Variants in ELP4 observed in about 807,000 individuals in gnomAD.
ELP4 encodes elongator acetyltransferase complex subunit 4.
Under a neutral mutation model 48.9 loss-of-function variants are expected in ELP4, and 51 were observed. That is an observed-to-expected ratio of 1.04 (90% CI 0.83 to 1.32). The LOEUF (loss-of-function observed/expected upper bound fraction) is 1.32. Ranked by LOEUF, ELP4 falls within the 40% of genes most tolerant of loss-of-function variation. The pLI, the probability that ELP4 is intolerant of heterozygous loss-of-function variation, is 0.00. For synonymous variants in ELP4, 210 were observed against 189.2 expected, an observed-to-expected ratio of 1.11 and a Z score of -0.90; for missense variants, 519 against 514.6, an observed-to-expected ratio of 1.01 and a Z score of -0.08.
At chr11:31,593,484 TC>T (rs1013325581) in intron 3 of ELP4, among the ~76,000 whole-genome samples, 6 of 151,908 alleles carry the variant, frequency 3.9e-5, no homozygotes, top group African/African-American at 4.8e-5. Flanking sequence ...ACTCAAGTGA[TC>T]CCCCCCTACC....
At chr11:31,771,641 G>A (rs1397976974) in intron 9 of ELP4, among the ~76,000 whole-genome samples, 1 of 152,040 alleles carries the variant, frequency 6.6e-6, no homozygotes, top group Non-Finnish European at 1.5e-5. Flanking sequence ...TATTCCCTTT[G>A]CCTGGGACTT....
At chr11:31,559,933 TTTG>T (rs1956990256) in intron 3 of ELP4, among the ~76,000 whole-genome samples, 1 of 150,256 alleles carries the variant, frequency 6.7e-6, no homozygotes, top group Admixed American at 6.7e-5. Context: ...GCAAATCAGT[TTTG>T]TTGTTTTGTT....
intron 9 of ELP4, among the ~76,000 whole-genome samples, chr11:31,711,157 A>G (rs1301247877): frequency 6.6e-6 from 1 of 152,204 alleles, no homozygotes; most frequent in East Asian, 1.9e-4. Context: ...TAAAAAACAA[A>G]GTGTACTTTA....
At chr11:31,543,658 C>A (rs1956633903) in intron 3 of ELP4, among the ~76,000 whole-genome samples, 1 of 152,094 alleles carries the variant, frequency 6.6e-6, no homozygotes, top group Admixed American at 6.5e-5. Context: ...TTTCTTGAAG[C>A]AAGTGATAAA....
At chr11:31,648,810 G>T in intron 8 of ELP4, 1 of 151,470 alleles carries the variant, frequency 6.6e-6, no homozygotes, top group East Asian at 1.9e-4. Context: ...TAAAATCTCT[G>T]AATTGATAAA....
At chr11:31,599,522 C>CACACA (rs1350916176) in intron 4 of ELP4, 6 of 126,628 alleles carry the variant, frequency 4.7e-5, no homozygotes, top group African/African-American at 2.2e-4. Context: ...CACACACACA[C>CACACA]AAAAAAAAAA....
At chr11:31,623,378 T>TACATATATATATAA (rs1489778900) in intron 5 of ELP4, among the ~76,000 whole-genome samples, 9 of 63,374 alleles carry the variant, frequency 1.4e-4, no homozygotes, top group African/African-American at 8.2e-4. Flanking sequence ...TATATATATA[T>TACATATATATATAA]ATATATATAT....
chr11:31,606,219 A>T (rs1169252728), intron 5 of ELP4, among the ~76,000 whole-genome samples: 3 of 152,114 alleles, frequency 2.0e-5, no homozygotes, highest in Non-Finnish European at 1.5e-5. Context: ...ATTAAACTTT[A>T]AACATGTAAT....
At chr11:31,575,995 A>C (rs140146094) in intron 3 of ELP4, among the ~76,000 whole-genome samples, 4,045 of 152,284 alleles carry the variant, frequency 0.027, 170 homozygotes, top group African/African-American at 0.092. Context: ...CACAGACTGG[A>C]AAATTGGATA....
intron 9 of ELP4, among the ~76,000 whole-genome samples, chr11:31,728,721 A>G (rs968507193): frequency 2.0e-5 from 3 of 152,236 alleles, no homozygotes; most frequent in African/African-American, 7.2e-5. Context: ...AATGATGTAG[A>G]TCATCATAAA....
chr11:31,598,937 A>G (rs1957729046), intron 4 of ELP4: 1 of 152,170 alleles, frequency 6.6e-6, no homozygotes, highest in African/African-American at 2.4e-5. Flanking sequence ...ACTTTACCAG[A>G]AGTGACTGCC....
chr11:31,519,960 G>A (rs1267063873), intron 1 of ELP4, 96 bp from the exon 2 acceptor site: 22 of 1,146,738 alleles, frequency 1.9e-5, no homozygotes, highest in Non-Finnish European at 2.8e-5. Context: ...CTGTTTTAAA[G>A]TTATTGAAGT....
intron 9 of ELP4, among the ~76,000 whole-genome samples, chr11:31,656,022 C>G (rs1945425933): frequency 6.6e-6 from 1 of 151,912 alleles, no homozygotes; most frequent in Non-Finnish European, 1.5e-5. Context: ...TTTGAAAAAT[C>G]TATTAAGCAC....
chr11:31,677,680 T>C (rs1487667790), intron 9 of ELP4, among the ~76,000 whole-genome samples: 1 of 152,182 alleles, frequency 6.6e-6, no homozygotes, highest in Non-Finnish European at 1.5e-5. Flanking sequence ...TTAACATTGA[T>C]GCAAACTGTT....
intron 9 of ELP4, among the ~76,000 whole-genome samples, chr11:31,655,499 G>T (rs1431284642): frequency 6.6e-6 from 1 of 151,960 alleles, no homozygotes; most frequent in African/African-American, 2.4e-5. Context: ...AATTTGATTA[G>T]ATCTGACACC....
At chr11:31,552,940 T>C (rs1956875650) in intron 3 of ELP4, among the ~76,000 whole-genome samples, 1 of 152,184 alleles carries the variant, frequency 6.6e-6, no homozygotes. Context: ...ATTAGGGCCA[T>C]TGGATTTGCT....
intron 9 of ELP4, among the ~76,000 whole-genome samples, chr11:31,684,456 C>T (rs985136285): frequency 3.3e-5 from 5 of 152,180 alleles, no homozygotes; most frequent in African/African-American, 7.2e-5. Flanking sequence ...ATGCACTTAT[C>T]TCGGCCTCCC....
chr11:31,514,022 G>C (rs1258448923), intron 1 of ELP4, among the ~76,000 whole-genome samples: 1 of 152,016 alleles, frequency 6.6e-6, no homozygotes, highest in Non-Finnish European at 1.5e-5. Flanking sequence ...GCCAATAATT[G>C]TGTCATAATT....
intron 3 of ELP4, among the ~76,000 whole-genome samples, chr11:31,572,512 T>G (rs1182759827): frequency 6.6e-6 from 1 of 152,194 alleles, no homozygotes; most frequent in East Asian, 1.9e-4. Context: ...GTTTGGCCTT[T>G]CATTTTCATT....
Sources: allele counts gnomAD v4.1 joint callset (sites outside exome capture counted in the v4.1 genomes callset), GRCh38; gene constraint gnomAD v4.1.1; transcripts MANE v1.5; gene names NCBI Gene and HGNC (gene_info 2026-07-23, HGNC 2026-07-21).